The following COL25A1 variants were observed in gnomAD, a reference collection of about 807,000 sequenced individuals.
The protein encoded by COL25A1 is collagen type XXV alpha 1 chain.
Under a neutral mutation model 128.4 loss-of-function variants are expected in COL25A1, and 103 were observed. The observed-to-expected ratio is 0.80, with a 90% CI of 0.68 to 0.94. COL25A1 has a LOEUF of 0.94. Ranked by LOEUF, COL25A1 falls within the 40% of genes least tolerant of loss-of-function variation. The probability of loss-of-function intolerance (pLI) is 0.00; values close to 1 mark genes in which losing one functional copy is unlikely to be tolerated. For synonymous variants in COL25A1, 279 were observed against 277.2 expected (o/e 1.01, Z -0.06); for missense variants, 745 against 840.0 (o/e 0.89, Z 1.40).
chr4:108,984,826 C>G (rs1753493646), intron 6 of COL25A1, among the ~76,000 whole-genome samples: 1 of 152,226 alleles, frequency 6.6e-6, no homozygotes, highest in Admixed American at 6.5e-5. Context: ...CTGAAGGGCT[C>G]CTCAAGTGCC....
At chr4:109,063,087 A>G (rs1167175578) in intron 3 of COL25A1, among the ~76,000 whole-genome samples, 2 of 152,266 alleles carry the variant, frequency 1.3e-5, no homozygotes, top group African/African-American at 2.4e-5. Flanking sequence ...AAATAAAAAT[A>G]AAGAACAATG....
chr4:109,244,796 G>A (rs1048786584), intron 3 of COL25A1, among the ~76,000 whole-genome samples: 1 of 151,862 alleles, frequency 6.6e-6, no homozygotes, highest in Non-Finnish European at 1.5e-5. Context: ...TTTGATGAAG[G>A]GCATGAAGCA....
intron 3 of COL25A1, among the ~76,000 whole-genome samples, chr4:109,254,082 G>A (rs1227089585): frequency 3.4e-5 from 5 of 145,188 alleles, no homozygotes; most frequent in East Asian, 2.1e-4. Flanking sequence ...GCGAGACTCC[G>A]TCTCAAGAAA....
chr4:109,179,788 G>C (rs1458321253), intron 3 of COL25A1, among the ~76,000 whole-genome samples: 1 of 152,132 alleles, frequency 6.6e-6, no homozygotes. Context: ...TTTAAGTAGA[G>C]GTTTAGAGAG....
intron 8 of COL25A1, among the ~76,000 whole-genome samples, chr4:108,961,747 A>G (rs1281291717): frequency 6.6e-6 from 1 of 152,200 alleles, no homozygotes; most frequent in Non-Finnish European, 1.5e-5. Flanking sequence ...GAAATATAAC[A>G]AAGTGATGGC....
At chr4:108,971,015 C>T (rs544540288) in intron 8 of COL25A1, among the ~76,000 whole-genome samples, 2 of 152,082 alleles carry the variant, frequency 1.3e-5, no homozygotes, top group Non-Finnish European at 2.9e-5. Context: ...ACTATTTCCT[C>T]TTCCTGGAAT....
At chr4:109,123,049 A>C (rs1046933181) in intron 3 of COL25A1, among the ~76,000 whole-genome samples, 3 of 152,118 alleles carry the variant, frequency 2.0e-5, no homozygotes, top group South Asian at 2.1e-4. Context: ...GACCCACAAA[A>C]GCTATGCAAG....
chr4:109,154,678 A>T (rs1243199958), intron 3 of COL25A1, among the ~76,000 whole-genome samples: 1 of 152,220 alleles, frequency 6.6e-6, no homozygotes, highest in Non-Finnish European at 1.5e-5. Flanking sequence ...ATTCACAATC[A>T]TCATCAATAA....
intron 27 of COL25A1, 117 bp downstream of exon 27, chr4:108,848,642 G>A: frequency 8.3e-6 from 6 of 721,734 alleles, no homozygotes; most frequent in South Asian, 3.5e-5. Flanking sequence ...AGAACAAATG[G>A]TTAAAAGAAA....
chr4:109,255,286 T>C (rs1408918317), intron 3 of COL25A1, among the ~76,000 whole-genome samples: 2 of 152,206 alleles, frequency 1.3e-5, no homozygotes, highest in East Asian at 1.9e-4. Flanking sequence ...GGTAACTTCA[T>C]CTTATATTCC....
chr4:108,951,003 A>G (rs1200204677), intron 8 of COL25A1, among the ~76,000 whole-genome samples: 1 of 152,228 alleles, frequency 6.6e-6, no homozygotes, highest in Non-Finnish European at 1.5e-5. Flanking sequence ...GGACCCTGGC[A>G]TTGCAGTGAA....
At chr4:109,252,970 C>T (rs1297706142) in intron 3 of COL25A1, among the ~76,000 whole-genome samples, 2 of 152,202 alleles carry the variant, frequency 1.3e-5, no homozygotes, top group African/African-American at 4.8e-5. Flanking sequence ...GAAGTCAAGG[C>T]AGCAGGAGTT....
intron 5 of COL25A1, among the ~76,000 whole-genome samples, chr4:109,035,967 G>A (rs900286816): frequency 1.3e-5 from 2 of 151,066 alleles, no homozygotes; most frequent in African/African-American, 4.9e-5. Flanking sequence ...TCACTCTGTC[G>A]CTCAGGCTGG....
chr4:108,911,188 C>T (rs1413459827), intron 13 of COL25A1, among the ~76,000 whole-genome samples: 2 of 152,104 alleles, frequency 1.3e-5, no homozygotes, highest in African/African-American at 4.8e-5. Context: ...GAATACAAAA[C>T]CCTATAGTGA....
At chr4:109,020,371 T>C (rs535230534) in intron 5 of COL25A1, among the ~76,000 whole-genome samples, 24 of 152,304 alleles carry the variant, frequency 1.6e-4, no homozygotes, top group African/African-American at 4.8e-4. Context: ...TAATTCTCAA[T>C]GGTTTTAATG....
intron 3 of COL25A1, among the ~76,000 whole-genome samples, chr4:109,282,786 G>A (rs558553064): frequency 1.9e-4 from 29 of 152,078 alleles, no homozygotes; most frequent in Non-Finnish European, 3.7e-4. Flanking sequence ...CAACATGCAC[G>A]CAGATATATT....
intron 17 of COL25A1, 135 bp from the exon 18 acceptor site, chr4:108,889,391 G>A (rs1163684637): frequency 1.3e-6 from 1 of 769,286 alleles, no homozygotes; most frequent in Non-Finnish European, 2.1e-6. Context: ...TTTATCCTGT[G>A]ACTCTACATC....
chr4:109,233,145 T>C (rs1369149938), intron 3 of COL25A1, among the ~76,000 whole-genome samples: 1 of 152,206 alleles, frequency 6.6e-6, no homozygotes, highest in Non-Finnish European at 1.5e-5. Flanking sequence ...TTTTTATTTC[T>C]TTAAGGCAGA....
chr4:108,980,541 G>C lies in COL25A1; in HGVS notation c.439-5982C>G, dbSNP rs78084334. Among the ~76,000 whole-genome samples, 1,021 of 152,332 alleles carry C rather than the reference G, an allele frequency of 6.7e-3. 10 individuals carry two copies. Among genetic ancestry groups the C allele is most frequent in the African/African-American group, 0.023 (961 of 41,578 alleles). ...TTTAGTGTTATATTTCAAATCCACA[G>C]TGTTGGCAGCGTCGGCTGGCCTAAT... On this transcript the variant is annotated intron_variant, in intron 6 of 37. Transcript: ENST00000399132.
Sources: gnomAD v4.1 joint callset for allele counts (sites outside exome capture counted in the v4.1 genomes callset) on GRCh38, gnomAD v4.1.1 for gene constraint, MANE v1.5 for transcripts, NCBI Gene and HGNC (gene_info 2026-07-23, HGNC 2026-07-21) for gene names.